NEDD4: variants seen among roughly 807,000 people sequenced by gnomAD.
NEDD4 encodes the protein E3 ubiquitin-protein ligase NEDD4.
A neutral mutation model predicts 144.9 loss-of-function variants in NEDD4; 99 were observed. The ratio of observed to expected loss-of-function variants is 0.68; its 90% CI spans 0.58 to 0.81. The LOEUF is 0.81. Among genes scored for constraint, NEDD4 ranks in the 30% least tolerant of loss-of-function variants. NEDD4 has a pLI of 0.00. For missense variants in NEDD4, 985 were observed against 1,065.9 expected (o/e 0.92, Z 1.06); for synonymous variants, 318 against 350.6 (o/e 0.91, Z 1.04).
At chr15:55,899,984 A>G (rs2035862326) in intron 5 of NEDD4, among the ~76,000 whole-genome samples, 1 of 151,976 alleles carries the variant, frequency 6.6e-6, no homozygotes, top group Non-Finnish European at 1.5e-5. Flanking sequence ...TCTTAGTTTT[A>G]GTTCTTGCTG....
chr15:55,935,844 T>G (rs1382892837), intron 4 of NEDD4, among the ~76,000 whole-genome samples: 2 of 80,166 alleles, frequency 2.5e-5, no homozygotes, highest in African/African-American at 4.2e-5. Context: ...AGACTCTGTT[T>G]CAAAAAAAAA....
chr15:55,915,867 G>A (rs1257644582), intron 5 of NEDD4: 1 of 1,613,926 alleles, frequency 6.2e-7, no homozygotes, highest in South Asian at 1.1e-5. Flanking sequence ...TCCATTGACA[G>A]CTGTTGAAAG....
intron 1 of NEDD4, among the ~76,000 whole-genome samples, chr15:55,988,487 T>TA (rs56688563): frequency 0.014 from 1,393 of 101,662 alleles, 19 homozygotes; most frequent in African/African-American, 0.044. Context: ...AAAAAAAAAT[T>TA]AAAAAAAAAA....
At chr15:55,853,696 T>C (rs2034080106) in intron 12 of NEDD4, among the ~76,000 whole-genome samples, 1 of 152,128 alleles carries the variant, frequency 6.6e-6, no homozygotes, top group Non-Finnish European at 1.5e-5. Context: ...CTTAAAATAG[T>C]CCTAAATCCA....
chr15:55,922,296 T>C (rs1279978122), intron 5 of NEDD4, among the ~76,000 whole-genome samples: 9 of 152,182 alleles, frequency 5.9e-5, no homozygotes, highest in African/African-American at 2.2e-4. Context: ...CAAAAAAGCA[T>C]ATCAGAGGAA....
chr15:55,966,409 G>T, intron 2 of NEDD4, 64 bp downstream of exon 2: 2 of 996,584 alleles, frequency 2.0e-6, no homozygotes, highest in Non-Finnish European at 2.9e-6. Context: ...TTTAACCAAA[G>T]TTTGGAAAAA....
chr15:55,851,878 A>G (rs2033996467), intron 13 of NEDD4, among the ~76,000 whole-genome samples: 1 of 152,208 alleles, frequency 6.6e-6, no homozygotes, highest in African/African-American at 2.4e-5. Context: ...AGACGAGATC[A>G]TTTGCTTTTT....
At chr15:55,966,363 T>C (rs1184501602) in intron 2 of NEDD4, 110 bp downstream of exon 2, 16 of 653,400 alleles carry the variant, frequency 2.4e-5, no homozygotes, top group African/African-American at 2.3e-4. Flanking sequence ...TTATTATACT[T>C]TCCACAACAA....
intron 5 of NEDD4, among the ~76,000 whole-genome samples, chr15:55,907,425 T>C (rs1029855579): frequency 2.0e-5 from 3 of 152,206 alleles, no homozygotes; most frequent in Non-Finnish European, 4.4e-5. Context: ...GAAGTAGGTA[T>C]ATAAACATTA....
intron 2 of NEDD4, among the ~76,000 whole-genome samples, chr15:55,963,128 C>CTTTT (rs754905603): frequency 0.083 from 11,509 of 139,152 alleles, 578 homozygotes; most frequent in East Asian, 0.23. Context: ...TTCTGGCACT[C>CTTTT]TTTTTTATTT....
At chr15:55,988,883 A>G (rs148297865) in intron 1 of NEDD4, among the ~76,000 whole-genome samples, 4 of 152,204 alleles carry the variant, frequency 2.6e-5, no homozygotes, top group African/African-American at 9.7e-5. Flanking sequence ...CAGAATCTGT[A>G]TGAGAAGAAT....
chr15:55,968,045 T>A (rs1373393164), intron 1 of NEDD4, among the ~76,000 whole-genome samples: 1 of 152,202 alleles, frequency 6.6e-6, no homozygotes, highest in Non-Finnish European at 1.5e-5. Flanking sequence ...AAGCCTTCAA[T>A]AAATGGAGAA....
chr15:55,911,640 C>T (rs1443874502), intron 5 of NEDD4, among the ~76,000 whole-genome samples: 3 of 152,028 alleles, frequency 2.0e-5, no homozygotes, highest in African/African-American at 4.8e-5. Flanking sequence ...CGCCATTCTC[C>T]TGCCTCAGCC....
At chr15:55,838,648 C>T (rs774333668) in intron 21 of NEDD4, 44 bp from the exon 22 acceptor site, 8 of 1,379,216 alleles carry the variant, frequency 5.8e-6, no homozygotes, top group Non-Finnish European at 8.2e-6. Flanking sequence ...ATCTATAACA[C>T]ACCTGAAATT....
chr15:55,870,529 C>CTTTTTTT (rs58174546), intron 7 of NEDD4, among the ~76,000 whole-genome samples: 4 of 117,448 alleles, frequency 3.4e-5, no homozygotes, highest in Non-Finnish European at 3.5e-5. Flanking sequence ...TCTTCTTCTT[C>CTTTTTTT]TTTTTTTTTT....
Position 55,852,492 on chromosome 15 carries a change from CA to C in NEDD4, c.1077del (p.Asp359GlufsTer9). On this transcript the variant is annotated frameshift_variant, in exon 13 of 29. Transcript: ENST00000435532. LOFTEE classifies it high-confidence loss of function. ...TCTACATAATATGATCTTCCTCTTTCATCTTGTTTTTCTTCCCAACCTGGTG... is the reference window on the plus strand; with the variant it reads ...TCTACATAATATGATCTTCCTCTTTCTCTTGTTTTTCTTCCCAACCTGGTG... ...GLPPGWEEKQ[D>X]ERGRSYYVDH... The C allele has an allele frequency of 3.7e-6, 6 of 1,613,084 alleles. No individual in the cohort carries two copies. Among genetic ancestry groups the C allele is most frequent in the Non-Finnish European group, 4.2e-6 (5 of 1,179,494 alleles).
intron 4 of NEDD4, among the ~76,000 whole-genome samples, chr15:55,942,915 G>GA (rs1337474274): frequency 2.6e-5 from 4 of 152,306 alleles, no homozygotes; most frequent in Non-Finnish European, 5.9e-5. Context: ...ATATGAACAG[G>GA]AAAGTCCAGG....
chr15:55,988,835 A>G (rs905298924), intron 1 of NEDD4, among the ~76,000 whole-genome samples: 2 of 152,180 alleles, frequency 1.3e-5, no homozygotes, highest in Non-Finnish European at 2.9e-5. Flanking sequence ...TGGCAAAAAA[A>G]GGTGATGGAA....
intron 1 of NEDD4, among the ~76,000 whole-genome samples, chr15:55,970,934 C>A (rs191048357): frequency 2.6e-5 from 4 of 152,266 alleles, no homozygotes. Flanking sequence ...TCTCACCAAA[C>A]AAACTAAATA....
Sources: allele counts gnomAD v4.1 joint callset (sites outside exome capture counted in the v4.1 genomes callset), GRCh38; gene constraint gnomAD v4.1.1; transcripts MANE v1.5; gene names NCBI Gene and HGNC (gene_info 2026-07-23, HGNC 2026-07-21).